Variants in CHEK1 observed in about 807,000 individuals in gnomAD.
CHEK1 encodes the protein checkpoint kinase 1.
A neutral mutation model predicts 60.2 loss-of-function variants in CHEK1; 32 were observed. The observed-to-expected ratio is 0.53, with a 90% CI of 0.40 to 0.71. The LOEUF (loss-of-function observed/expected upper bound fraction) is 0.71, where lower values mean the gene tolerates loss of function less well. CHEK1 is among the 30% of genes least tolerant of loss of function. CHEK1 has a pLI of 0.00. For missense variants in CHEK1, 399 were observed against 564.6 expected, an observed-to-expected ratio of 0.71 and a Z score of 2.97; for synonymous variants, 179 against 187.2, an observed-to-expected ratio of 0.96 and a Z score of 0.36.
chr11:125,660,017 T>G (rs1941983298), downstream of CHEK1, among the ~76,000 whole-genome samples: 1 of 152,214 alleles, frequency 6.6e-6, no homozygotes, highest in South Asian at 2.1e-4. Context: ...TGTTGTAGCA[T>G]GTATCAGGAC....
intron 8 of CHEK1, among the ~76,000 whole-genome samples, chr11:125,638,686 C>T (rs1941167478): frequency 6.6e-6 from 1 of 152,122 alleles, no homozygotes; most frequent in Non-Finnish European, 1.5e-5. Context: ...CCTCCTTATT[C>T]TTCATTGTCA....
At chr11:125,649,257 GTGCAA>G (rs1344535952) in intron 11 of CHEK1, among the ~76,000 whole-genome samples, 5 of 152,086 alleles carry the variant, frequency 3.3e-5, no homozygotes, top group African/African-American at 1.2e-4. Context: ...CACGATCATA[GTGCAA>G]TGCAGCCTCA....
At chr11:125,631,861 C>CAAAAA (rs57281904) in intron 5 of CHEK1, among the ~76,000 whole-genome samples, 1 of 51,358 alleles carries the variant, frequency 1.9e-5, no homozygotes, top group Non-Finnish European at 3.3e-5. Context: ...GACACTTTCT[C>CAAAAA]AAAAAAAAAA....
At chr11:125,676,319 T>C, downstream of CHEK1, 3 of 1,610,336 alleles carry the variant, frequency 1.9e-6, no homozygotes, top group African/African-American at 1.3e-5. Flanking sequence ...TAAGTTGATG[T>C]GTTCTCAGGC....
downstream of CHEK1, among the ~76,000 whole-genome samples, chr11:125,659,618 A>G (rs1280612094): frequency 6.6e-6 from 1 of 151,822 alleles, no homozygotes; most frequent in African/African-American, 2.4e-5. Flanking sequence ...TTATTTTTTG[A>G]TCCATAAATT....
At chr11:125,661,075 C>T (rs1433728713), downstream of CHEK1, among the ~76,000 whole-genome samples, 2 of 152,086 alleles carry the variant, frequency 1.3e-5, no homozygotes, top group Non-Finnish European at 2.9e-5. Context: ...TGCGCCTGGC[C>T]TGGCATAACT....
intron 12 of CHEK1, among the ~76,000 whole-genome samples, chr11:125,654,495 C>T (rs1033991960): frequency 6.6e-6 from 1 of 151,882 alleles, no homozygotes; most frequent in Non-Finnish European, 1.5e-5. Context: ...ACAAATATTT[C>T]ATTATAATTT....
chr11:125,625,885 A>T lies in CHEK1; in HGVS notation c.-148A>T, dbSNP rs925840558. On this transcript the variant is annotated 5_prime_UTR_variant, in exon 1 of 13. Coordinates refer to ENST00000438015, the MANE Select transcript of CHEK1 (RefSeq NM_001114122.3). ...AGCCGCCGACATTCAGAGGGGCAGG[A>T]CACGGGAACGCGCGCTGTCTTGCTT... 1.4e-6 allele frequency: 1 copy of T among 702,652 alleles called. No individual in the cohort carries two copies. Among genetic ancestry groups the T allele is most frequent in the Non-Finnish European group, 2.6e-6 (1 of 385,016 alleles). 43.5% of individuals were successfully genotyped at this position (702,652 alleles called of 1,614,324 possible). A position where few individuals can be genotyped will look rare whatever the true frequency, so the allele number is the denominator to read the frequency against.
intron 11 of CHEK1, among the ~76,000 whole-genome samples, chr11:125,652,306 T>C (rs762868674): frequency 6.6e-6 from 1 of 152,192 alleles, no homozygotes; most frequent in Non-Finnish European, 1.5e-5. Flanking sequence ...ATCATTCAGC[T>C]AGGCTGAGCG....
intron 13 of CHEK1, among the ~76,000 whole-genome samples, chr11:125,674,779 TATC>T (rs552783953): frequency 4.5e-4 from 68 of 152,316 alleles, no homozygotes; most frequent in African/African-American, 1.4e-3. Flanking sequence ...TTAAAATGCA[TATC>T]ATACTGTCTG....
At chr11:125,678,789 C>T (rs771991705), downstream of CHEK1, among the ~76,000 whole-genome samples, 8 of 151,338 alleles carry the variant, frequency 5.3e-5, no homozygotes, top group East Asian at 1.9e-4. Flanking sequence ...AAATTAAGGG[C>T]GGAAGAGTTA....
downstream of CHEK1, among the ~76,000 whole-genome samples, chr11:125,659,947 T>C (rs750350735): frequency 1.3e-5 from 2 of 152,240 alleles, no homozygotes; most frequent in Non-Finnish European, 2.9e-5. Flanking sequence ...ACATTTCATA[T>C]AAATAGAATT....
downstream of CHEK1, among the ~76,000 whole-genome samples, chr11:125,676,839 A>C (rs1314140758): frequency 3.3e-5 from 5 of 151,976 alleles, no homozygotes; most frequent in Non-Finnish European, 7.4e-5. Context: ...TCCCCATCAT[A>C]CTCTCACCCA....
intron 13 of CHEK1, among the ~76,000 whole-genome samples, chr11:125,669,052 TA>T (rs1381544506): frequency 3.3e-5 from 5 of 151,854 alleles, no homozygotes; most frequent in Admixed American, 6.6e-5. Flanking sequence ...CTACTTACAT[TA>T]AAAAAAAGTC....
rs933502100 is a variant in CHEK1 at position 125,643,992 on chromosome 11, A to T, written c.923+92A>T. 8.5e-6 allele frequency: 13 copies of T among 1,526,974 alleles called. No homozygotes were observed. In the African/African-American group the frequency reaches 1.2e-4, roughly 15 times the overall value. The allele number at this position is 1,526,974 out of a possible 1,614,324, so 94.6% of individuals were successfully genotyped here. ...TGTTTTTTCATAATAATCGACATTAACATAATACTGTAAGCATGAGAACTT... is the reference window on the plus strand; with the variant it reads ...TGTTTTTTCATAATAATCGACATTATCATAATACTGTAAGCATGAGAACTT... On this transcript the variant is annotated intron_variant, in intron 9 of 12. Transcript: ENST00000438015.
Position 125,626,734 on chromosome 11 carries a change from TC to T in CHEK1, c.-20-13del. 3.7e-6 allele frequency: 6 copies of T among 1,613,192 alleles called. No individual in the cohort carries two copies. Among genetic ancestry groups the T allele is most frequent in the Non-Finnish European group, 5.1e-6 (6 of 1,179,124 alleles). On this transcript the variant is annotated splice_polypyrimidine_tract_variant and intron_variant, in intron 1 of 12. Coordinates refer to ENST00000438015, the MANE Select transcript of CHEK1 (RefSeq NM_001114122.3). ...CTTACACTCTACATCTTTTCTGGAT[TC>T]CTGCCTTTTACAGCCGAGGTGCTCG... is the stretch of plus-strand genomic sequence containing the variant.
chr11:125,633,804 A>C (rs1940957305), intron 6 of CHEK1, among the ~76,000 whole-genome samples: 1 of 152,166 alleles, frequency 6.6e-6, no homozygotes, highest in Non-Finnish European at 1.5e-5. Context: ...TAACTGCTGT[A>C]ACAAAGTATC....
chr11:125,644,029 A>G (rs1448207240), intron 9 of CHEK1, 62 bp from the exon 10 acceptor site: 3 of 1,568,232 alleles, frequency 1.9e-6, no homozygotes, highest in Non-Finnish European at 2.6e-6. Context: ...TGTGTGATAT[A>G]AGAAAGGCCT....
chr11:125,644,497 C>T lies in CHEK1; in HGVS notation c.1102-15C>T, dbSNP rs772623795. Reference sequence around the variant, plus strand: ...CCTAATGGATTTATTCATTTGTCTTCTGTTTGACATGTAGAACCCCTGGCA... The same window carrying T: ...CCTAATGGATTTATTCATTTGTCTTTTGTTTGACATGTAGAACCCCTGGCA... On this transcript the variant is annotated splice_polypyrimidine_tract_variant and intron_variant, in intron 10 of 12. Coordinates refer to ENST00000438015, the MANE Select transcript of CHEK1 (RefSeq NM_001114122.3). 6.2e-7 allele frequency: 1 copy of T among 1,611,074 alleles called. No individual in the cohort carries two copies. Among genetic ancestry groups the T allele is most frequent in the African/African-American group, 1.3e-5 (1 of 74,714 alleles).
Sources: gnomAD v4.1 joint callset for allele counts (sites outside exome capture counted in the v4.1 genomes callset) on GRCh38, gnomAD v4.1.1 for gene constraint, MANE v1.5 for transcripts, NCBI Gene and HGNC (gene_info 2026-07-23, HGNC 2026-07-21) for gene names.